FAP: variants seen among roughly 807,000 people sequenced by gnomAD.
The protein encoded by FAP is fibroblast activation protein alpha, also known as prolyl endopeptidase FAP.
In FAP, 110 loss-of-function variants were observed where a neutral mutation model predicts 126.5. The ratio of observed to expected loss-of-function variants is 0.87; its 90% CI spans 0.74 to 1.02. The LOEUF is 1.02. Ranked by LOEUF, FAP falls within the 50% of genes least tolerant of loss-of-function variation. The pLI, the probability that FAP is intolerant of heterozygous loss-of-function variation, is 0.00. For missense variants in FAP, 919 were observed against 909.2 expected, an observed-to-expected ratio of 1.01 and a Z score of -0.14; for synonymous variants, 334 against 297.3, an observed-to-expected ratio of 1.12 and a Z score of -1.27.
At chr2:162,242,806 G>T in intron 2 of FAP, 102 bp downstream of exon 2, 1 of 796,954 alleles carries the variant, frequency 1.3e-6, no homozygotes, top group South Asian at 1.7e-5. Context: ...GACTTACTTT[G>T]GAACATAAGC....
intron 20 of FAP, among the ~76,000 whole-genome samples, chr2:162,184,496 T>C (rs1687797536): frequency 6.6e-6 from 1 of 152,240 alleles, no homozygotes; most frequent in Non-Finnish European, 1.5e-5. Flanking sequence ...CTTGCATTGA[T>C]TCAACATGCA....
chr2:162,235,011 GT>G (rs1448492705), intron 2 of FAP, among the ~76,000 whole-genome samples: 1 of 152,114 alleles, frequency 6.6e-6, no homozygotes, highest in Non-Finnish European at 1.5e-5. Context: ...GGCGAACCGG[GT>G]CCCCTAGCAG....
intron 21 of FAP, among the ~76,000 whole-genome samples, chr2:162,178,858 C>A (rs1284724114): frequency 6.6e-6 from 1 of 152,146 alleles, no homozygotes; most frequent in African/African-American, 2.4e-5. Flanking sequence ...GCTAAGTAAA[C>A]CTCATGGTAA....
chr2:162,225,751 G>T (rs903840754), intron 3 of FAP, among the ~76,000 whole-genome samples, 174 bp from the exon 4 acceptor site: 2 of 152,098 alleles, frequency 1.3e-5, no homozygotes, highest in African/African-American at 4.8e-5. Flanking sequence ...AAGGTAGAAT[G>T]CTTTGTTCTA....
chr2:162,194,272 CCACA>C (rs34495951), intron 17 of FAP: 47 of 141,650 alleles, frequency 3.3e-4, no homozygotes, highest in Admixed American at 1.1e-3. Flanking sequence ...TGGGATGTTA[CCACA>C]CACACACACA....
intron 3 of FAP, 27 bp downstream of exon 3, chr2:162,226,496 A>C (rs188833755): frequency 1.8e-5 from 22 of 1,226,164 alleles, no homozygotes; most frequent in African/African-American, 9.2e-5. Context: ...CATAAAAAAA[A>C]CCCCTAAAGA....
chr2:162,179,812 ATT>A (rs1206502227), intron 21 of FAP, among the ~76,000 whole-genome samples: 2,790 of 90,448 alleles, frequency 0.031, 44 homozygotes, highest in Middle Eastern at 0.09. Context: ...ATATATATAT[ATT>A]TTTTTTTTTT....
chr2:162,223,671 G>A lies in FAP; in HGVS notation c.361-11C>T. 6.2e-7 allele frequency: 1 copy of A among 1,603,286 alleles called. No homozygotes were observed. ...AGAGTATCTCCAAAGCTGTCAGAAA[G>A]AAGAAAGACAAAAAACAAATTGCAG... On this transcript the variant is annotated splice_polypyrimidine_tract_variant and intron_variant, in intron 5 of 25. Coordinates refer to ENST00000188790, the MANE Select transcript of FAP (RefSeq NM_004460.5).
At chr2:162,224,637 C>T (rs1689559611) in intron 4 of FAP, 97 bp from the exon 5 acceptor site, 1 of 636,706 alleles carries the variant, frequency 1.6e-6, no homozygotes, top group African/African-American at 1.9e-5. Flanking sequence ...CAACATACTC[C>T]TACATGCATA....
intron 2 of FAP, among the ~76,000 whole-genome samples, chr2:162,232,748 GTTATA>G (rs1158483626): frequency 2.0e-5 from 3 of 152,126 alleles, no homozygotes; most frequent in Non-Finnish European, 4.4e-5. Context: ...TTATTGTTAT[GTTATA>G]TTATTTTAAT....
intron 25 of FAP, chr2:162,172,592 A>G (rs1474417098): frequency 4.1e-6 from 2 of 492,176 alleles, no homozygotes; most frequent in African/African-American, 1.9e-5. Context: ...CCTTTATTTT[A>G]CATGACTCAA....
intron 19 of FAP, 33 bp from the exon 20 acceptor site, chr2:162,188,396 G>T (rs1383107410): frequency 2.8e-5 from 44 of 1,585,520 alleles, no homozygotes; most frequent in Non-Finnish European, 3.4e-5. Flanking sequence ...AAGAATCTTT[G>T]ATTGCTTTGT....
At chr2:162,241,271 T>TAA (rs1168014292) in intron 2 of FAP, among the ~76,000 whole-genome samples, 1 of 152,222 alleles carries the variant, frequency 6.6e-6, no homozygotes, top group African/African-American at 2.4e-5. Flanking sequence ...AATTGTATTA[T>TAA]AAATTACATA....
chr2:162,179,810 ATATTT>A (rs1306307788), intron 21 of FAP, among the ~76,000 whole-genome samples: 24 of 107,148 alleles, frequency 2.2e-4, no homozygotes, highest in African/African-American at 6.9e-4. Context: ...ATATATATAT[ATATTT>A]TTTTTTTTTT....
At chr2:162,230,872 G>T (rs896340908) in intron 2 of FAP, among the ~76,000 whole-genome samples, 2 of 152,104 alleles carry the variant, frequency 1.3e-5, no homozygotes, top group African/African-American at 4.8e-5. Context: ...TTTGCTCAAT[G>T]CACTCCTGTG....
intron 2 of FAP, among the ~76,000 whole-genome samples, chr2:162,236,250 G>A (rs911835024): frequency 1.3e-5 from 2 of 152,052 alleles, no homozygotes; most frequent in African/African-American, 2.4e-5. Flanking sequence ...AAGAGATACC[G>A]ATTTATAATT....
chr2:162,234,368 C>A (rs770260534), intron 2 of FAP, among the ~76,000 whole-genome samples: 1 of 151,732 alleles, frequency 6.6e-6, no homozygotes, highest in Non-Finnish European at 1.5e-5. Context: ...TTATTTAGAT[C>A]TTTTTGGATT....
intron 16 of FAP, chr2:162,198,527 C>T: frequency 1.4e-6 from 1 of 712,402 alleles, no homozygotes; most frequent in Non-Finnish European, 2.2e-6. Context: ...GCAGTGCGGA[C>T]CTTTTGGCAA....
At chr2:162,188,663 A>T (rs993100188) in intron 19 of FAP, among the ~76,000 whole-genome samples, 26 of 152,090 alleles carry the variant, frequency 1.7e-4, no homozygotes, top group African/African-American at 5.8e-4. Context: ...AAAAGCAGAC[A>T]TAAGATATAC....
Sources: gnomAD v4.1 joint callset for allele counts (sites outside exome capture counted in the v4.1 genomes callset) on GRCh38, gnomAD v4.1.1 for gene constraint, MANE v1.5 for transcripts, NCBI Gene and HGNC (gene_info 2026-07-23, HGNC 2026-07-21) for gene names.